IQANK1: variants seen among roughly 807,000 people sequenced by gnomAD.
IQANK1 encodes IQ motif and ankyrin repeat domain-containing protein 1.
Under a neutral mutation model 22.6 loss-of-function variants are expected in IQANK1, and 30 were observed. The observed-to-expected ratio is 1.33, with a 90% CI of 0.99 to 1.80. IQANK1 has a LOEUF of 1.80. Among genes scored for constraint, IQANK1 ranks in the 40% most tolerant of loss-of-function variants. The pLI, the probability that IQANK1 is intolerant of heterozygous loss-of-function variation, is 0.00. For synonymous variants in IQANK1, 122 were observed against 99.6 expected (o/e 1.23, Z -1.34); for missense variants, 275 against 235.2 (o/e 1.17, Z -1.11).
chr8:143,783,542 CACTT>C (rs543148958), intron 7 of IQANK1, among the ~76,000 whole-genome samples: 17 of 152,326 alleles, frequency 1.1e-4, no homozygotes, highest in Admixed American at 7.8e-4. Flanking sequence ...CCTTTTCACT[CACTT>C]AATGTTATAA....
chr8:143,787,493 C>T (rs1201615588), intron 7 of IQANK1, among the ~76,000 whole-genome samples: 2 of 152,098 alleles, frequency 1.3e-5, no homozygotes, highest in Non-Finnish European at 2.9e-5. Flanking sequence ...GCCAGGATGG[C>T]AGTTACCCAA....
At chr8:143,777,911 G>T (rs770091900) in intron 7 of IQANK1, among the ~76,000 whole-genome samples, 2 of 152,212 alleles carry the variant, frequency 1.3e-5, no homozygotes, top group Non-Finnish European at 2.9e-5. Context: ...AAGATGGATT[G>T]TTGCCGGGCG....
chr8:143,780,926 A>C (rs1236940890), intron 7 of IQANK1, among the ~76,000 whole-genome samples: 1 of 152,130 alleles, frequency 6.6e-6, no homozygotes, highest in Non-Finnish European at 1.5e-5. Context: ...TGGCTGAACT[A>C]ATTTATACTC....
At position 143,790,515 on chromosome 8, in the gene IQANK1, C is replaced by A; in HGVS notation, c.1590C>A (p.Arg530=). The A allele has an allele frequency of 2.5e-6, 1 of 404,310 alleles. No individual in the cohort carries two copies. The highest frequency in any genetic ancestry group is 4.3e-6 in the Non-Finnish European group (1 of 231,044). The allele number at this position is 404,310 out of a possible 1,614,324, so 25.0% of individuals were successfully genotyped here. Reference sequence around the variant, plus strand: ...AGGAGCAGCGGCTGGAGCACTTCCGCCTCTTTTTCGTCACCAAGGTCCAGT... The same window carrying A: ...AGGAGCAGCGGCTGGAGCACTTCCGACTCTTTTTCGTCACCAAGGTCCAGT... The part of the protein sequence containing the change: ...QFQEQRLEHF[R]LFFVTKVQWP... The change falls in exon 14 of 14, where the codon CGC becomes CGA. Residue 530 remains arginine (R), a synonymous_variant. Coordinates refer to ENST00000527139, the MANE Select transcript of IQANK1 (RefSeq NM_001381874.1).
At chr8:143,759,789 A>G (rs1819360064) in intron 3 of IQANK1, 1 of 152,244 alleles carries the variant, frequency 6.6e-6, no homozygotes, top group Admixed American at 6.5e-5. Flanking sequence ...CCAGACATGC[A>G]GATTTGAGTT....
chr8:143,763,079 C>T (rs751455378), intron 3 of IQANK1, among the ~76,000 whole-genome samples: 5 of 151,586 alleles, frequency 3.3e-5, no homozygotes, highest in Admixed American at 6.6e-5. Context: ...TGCAGTGGTG[C>T]GATCTCAGCT....
At chr8:143,783,265 T>C (rs1281659245) in intron 7 of IQANK1, among the ~76,000 whole-genome samples, 2 of 152,172 alleles carry the variant, frequency 1.3e-5, no homozygotes, top group Non-Finnish European at 2.9e-5. Flanking sequence ...ATTGCCAGTG[T>C]TTTTTAATGC....
chr8:143,754,367 T>C (rs1044629298), intron 3 of IQANK1, among the ~76,000 whole-genome samples: 1 of 152,210 alleles, frequency 6.6e-6, no homozygotes, highest in East Asian at 1.9e-4. Context: ...TGAGCACCTC[T>C]CCCAGGGCTA....
intron 7 of IQANK1, 59 bp downstream of exon 7, chr8:143,772,541 G>T (rs1367297133): frequency 5.0e-6 from 2 of 398,930 alleles, no homozygotes; most frequent in African/African-American, 2.1e-5. Flanking sequence ...TGTGGGCCTC[G>T]GGAGGTGTGA....
At chr8:143,747,972 CCCTTT>C (rs1819066720) in intron 3 of IQANK1, among the ~76,000 whole-genome samples, 3 of 50,710 alleles carry the variant, frequency 5.9e-5, no homozygotes, top group African/African-American at 1.5e-4. Flanking sequence ...CCTTTCCTTT[CCCTTT>C]CCTTTCCCTT....
At position 143,775,787 on chromosome 8, in the gene IQANK1, TACACAC is replaced by T. The variant is rs35665050; in HGVS notation, c.789+3336_789+3341del. On this transcript the variant is annotated intron_variant, in intron 7 of 13. Transcript: ENST00000527139. ...AAAAACAAAAAAACTATAGCTGTAT[TACACAC>T]ACACACACACACACACACACACACA... 3.8e-3 allele frequency among the ~76,000 whole-genome samples: 491 copies of T among 129,496 alleles called. 5 individuals carry two copies. The highest frequency in any genetic ancestry group is 0.015 in the Middle Eastern group (4 of 268). The allele number at this position is 129,496 out of a possible 152,430, so 85.0% of individuals were successfully genotyped here.
intron 7 of IQANK1, among the ~76,000 whole-genome samples, chr8:143,777,572 G>A (rs1028038396): frequency 1.1e-4 from 16 of 149,712 alleles, no homozygotes; most frequent in Admixed American, 4.0e-4. Context: ...AAAATATACC[G>A]GAAAGGCTGG....
rs544399196 is a variant in IQANK1 at position 143,770,523 on chromosome 8, C to G, written c.176-965C>G. Among the ~76,000 whole-genome samples, 5 of 152,292 alleles carry G rather than the reference C, an allele frequency of 3.3e-5. No homozygotes were observed. The South Asian group carries it at 1.0e-3, about 32-fold the overall frequency. On this transcript the variant is annotated intron_variant, in intron 3 of 13. Transcript: ENST00000527139. ...TGCCCTGGGCCTGCAGGGTCTTCCG[C>G]GTCTCCCAGTCTCGCCTCATCCCGC... is the stretch of plus-strand genomic sequence containing the variant.
chr8:143,742,047 G>A (rs1241466320), intron 3 of IQANK1: 1 of 298,324 alleles, frequency 3.4e-6, no homozygotes, highest in Non-Finnish European at 6.7e-6. Context: ...CCACGAGCCT[G>A]TCTGTGCCCT....
chr8:143,772,370 C>T lies in IQANK1; in HGVS notation c.677C>T (p.Pro226Leu), dbSNP rs1368705632. The T allele has an allele frequency of 1.0e-5, 4 of 399,052 alleles. No individual in the cohort carries two copies. Among genetic ancestry groups the T allele is most frequent in the African/African-American group, 4.1e-5 (2 of 48,620 alleles). 24.7% of individuals were successfully genotyped at this position (399,052 alleles called of 1,614,324 possible). A position where few individuals can be genotyped will look rare whatever the true frequency, so the allele number is the denominator to read the frequency against. ...ASPNSKGAFG[P>L]TPLYRAAFGG... ...CCCGTCTTGCAGGGCGCTTTCGGTC[C>T]GACGCCGCTGTACCGTGCAGCCTTT... Residue 226 changes from proline to leucine, a missense_variant, in exon 7 of 14, where the codon CCG (proline) becomes CTG (leucine). Transcript: ENST00000527139.
chr8:143,748,587 G>T (rs1323414655), intron 3 of IQANK1, among the ~76,000 whole-genome samples: 1 of 124,278 alleles, frequency 8.0e-6, no homozygotes, highest in Admixed American at 9.4e-5. Flanking sequence ...TATAAATATA[G>T]ATATGATATA....
chr8:143,769,974 G>A (rs992333726), intron 3 of IQANK1, among the ~76,000 whole-genome samples: 17 of 152,314 alleles, frequency 1.1e-4, no homozygotes, highest in South Asian at 1.0e-3. Flanking sequence ...GCACAGGCGT[G>A]TGCCTGTGGT....
intron 3 of IQANK1, among the ~76,000 whole-genome samples, chr8:143,753,936 T>C (rs2129848931): frequency 6.6e-6 from 1 of 152,300 alleles, no homozygotes; most frequent in East Asian, 1.9e-4. Flanking sequence ...TTTGTTTTTT[T>C]TTCTTTTCTA....
intron 3 of IQANK1, among the ~76,000 whole-genome samples, chr8:143,740,444 C>G (rs782462082): frequency 2.0e-5 from 3 of 152,246 alleles, no homozygotes; most frequent in Non-Finnish European, 4.4e-5. Context: ...CGATACCGCC[C>G]TGAGGCTCAG....
Sources: allele counts gnomAD v4.1 joint callset (sites outside exome capture counted in the v4.1 genomes callset), GRCh38; gene constraint gnomAD v4.1.1; transcripts MANE v1.5; gene names NCBI Gene and HGNC (gene_info 2026-07-23, HGNC 2026-07-21).